NOTCH2: variants seen among roughly 807,000 people sequenced by gnomAD.
The protein encoded by NOTCH2 is notch receptor 2, also known as neurogenic locus notch homolog protein 2.
NOTCH2 carries 29 observed loss-of-function variants against 235.8 expected under a neutral mutation model. The ratio of observed to expected loss-of-function variants is 0.12; its 90% CI spans 0.09 to 0.17. NOTCH2 has a LOEUF of 0.17. NOTCH2 is among the 10% of genes least tolerant of loss of function. NOTCH2 has a pLI of 1.00. For missense variants in NOTCH2, 2,285 were observed against 3,150.2 expected, an observed-to-expected ratio of 0.73 and a Z score of 6.57; for synonymous variants, 1,086 against 1,141.5, an observed-to-expected ratio of 0.95 and a Z score of 0.98.
chr1:119,942,873 C>CT lies in NOTCH2; in HGVS notation c.2753-1120dup, dbSNP rs587671333. On this transcript the variant is annotated intron_variant, in intron 17 of 33. Coordinates refer to ENST00000256646, the MANE Select transcript of NOTCH2 (RefSeq NM_024408.4). ...TCATTAAAATTATTTGTCCATATGT[C>CT]TTTTTTTTTTTTTTTTTTTGGTGAA... 9.7e-3 allele frequency among the ~76,000 whole-genome samples: 1,246 copies of CT among 128,764 alleles called. 16 individuals are homozygous for CT. The highest frequency in any genetic ancestry group is 0.012 in the Middle Eastern group (3 of 248). 84.5% of individuals were successfully genotyped at this position (128,764 alleles called of 152,430 possible). A position where few individuals can be genotyped will look rare whatever the true frequency, so the allele number is the denominator to read the frequency against.
At chr1:119,953,832 GGTGT>G in intron 13 of NOTCH2, 144 bp from the exon 14 acceptor site, 9 of 772,664 alleles carry the variant, frequency 1.2e-5, no homozygotes, top group Non-Finnish European at 1.8e-5. Context: ...CCTTGCACAT[GGTGT>G]GTACCATGTG....
chr1:119,937,838 C>T lies in NOTCH2; in HGVS notation c.3337+19G>A. ...CAATACTGCAGTGAATGACCTGAGC[C>T]CAAGGGAGCAAAGCTTACCTCTCCT... On this transcript the variant is annotated intron_variant, in intron 20 of 33. Transcript: ENST00000256646. The T allele has an allele frequency of 1.9e-6, 3 of 1,614,076 alleles. No homozygotes were observed. The highest frequency in any genetic ancestry group is 2.5e-6 in the Non-Finnish European group (3 of 1,180,002).
Position 119,967,436 on chromosome 1 carries a change from G to C in NOTCH2, c.1450C>G (p.Pro484Ala), listed in dbSNP as rs1553199813. 6.2e-7 allele frequency: 1 copy of C among 1,613,904 alleles called. No individual in the cohort carries two copies. The highest frequency in any genetic ancestry group is 8.5e-7 in the Non-Finnish European group (1 of 1,179,830). ...KIGGFTCLCM[P>A]GFKGVHCELE... is the part of the protein sequence containing the mutation. ...ACATGCTGATGGGCCCATTTACCTGGCATGCACAGACATGTGAAGCCTCCA... is the reference window on the plus strand; with the variant it reads ...ACATGCTGATGGGCCCATTTACCTGCCATGCACAGACATGTGAAGCCTCCA... The change falls in exon 8 of 34, where the codon CCA (proline) becomes GCA (alanine). Residue 484 changes from proline (P) to alanine (A), a missense_variant. By Grantham distance (27) the Pro-to-Ala change is conservative. Around this residue, in one of 6 missense-constraint regions of NOTCH2, gnomAD observed 431 missense variants for 757.8 expected, o/e 0.57. Coordinates refer to ENST00000256646, the MANE Select transcript of NOTCH2 (RefSeq NM_024408.4).
At chr1:120,000,885 A>G (rs10923936) in intron 3 of NOTCH2, among the ~76,000 whole-genome samples, 100,033 of 151,432 alleles carry the variant, frequency 0.66, 39,489 homozygotes, top group Non-Finnish European at 0.87. Context: ...CTTTTGATGA[A>G]TGATATGGTT....
At chr1:119,955,708 C>G (rs1255380240) in intron 12 of NOTCH2, among the ~76,000 whole-genome samples, 4 of 152,138 alleles carry the variant, frequency 2.6e-5, no homozygotes, top group Admixed American at 6.5e-5. Flanking sequence ...GGGCTAGTAA[C>G]TTAATTCAAT....
At chr1:119,917,423 CACCAAGCTATCTATAGCCAGCCT>C (rs1271713130) in intron 33 of NOTCH2, among the ~76,000 whole-genome samples, 1 of 152,210 alleles carries the variant, frequency 6.6e-6, no homozygotes, top group Non-Finnish European at 1.5e-5. Context: ...GAAAGAGTTA[CACCAAGCTATCTATAGCCAGCCT>C]ACTGCAAGCT....
intron 11 of NOTCH2, among the ~76,000 whole-genome samples, chr1:119,962,365 A>G (rs1427323931): frequency 2.6e-5 from 4 of 152,138 alleles, no homozygotes; most frequent in Admixed American, 2.6e-4. Flanking sequence ...TCCTACTATA[A>G]TTTCTCATGT....
At chr1:119,974,671 A>C (rs1553200704) in intron 5 of NOTCH2, among the ~76,000 whole-genome samples, 2 of 152,184 alleles carry the variant, frequency 1.3e-5, no homozygotes, top group Non-Finnish European at 2.9e-5. Flanking sequence ...GCTGCTGCAT[A>C]AGCTGCTCTG....
chr1:119,981,507 G>C (rs1481551354), intron 5 of NOTCH2, among the ~76,000 whole-genome samples: 1 of 152,110 alleles, frequency 6.6e-6, no homozygotes, highest in East Asian at 1.9e-4. Context: ...CGTTCCATGG[G>C]GGCTTAGAGA....
chr1:119,936,121 G>A lies in NOTCH2; in HGVS notation c.3523-517C>T, dbSNP rs1424183806. On this transcript the variant is annotated intron_variant, in intron 21 of 33. Coordinates refer to ENST00000256646, the MANE Select transcript of NOTCH2 (RefSeq NM_024408.4). ...GCTGGCTGGCTGTGGTGGCTGTAGG[G>A]GTTGGAAGGATTTCAGGGCTGACCA... 2.0e-5 allele frequency among the ~76,000 whole-genome samples: 3 copies of A among 152,176 alleles called. No homozygotes were observed. The South Asian group carries it at 6.2e-4, about 32-fold the overall frequency.
chr1:120,065,190 G>A (rs1172067999), intron 1 of NOTCH2, among the ~76,000 whole-genome samples: 1 of 152,162 alleles, frequency 6.6e-6, no homozygotes, highest in Non-Finnish European at 1.5e-5. Flanking sequence ...GAAAAATTTG[G>A]TTTTTCCCCA....
At position 119,923,843 on chromosome 1, in the gene NOTCH2, T is replaced by C. The variant is rs779771516; in HGVS notation, c.4653A>G (p.Val1551=). 1 of 1,614,056 alleles carries C rather than the reference T, an allele frequency of 6.2e-7. No individual in the cohort carries two copies. Among genetic ancestry groups the C allele is most frequent in the African/African-American group, 1.3e-5 (1 of 74,906 alleles). ...NLAEGTLVIV[V]LMPPEQLLQD... ...GGAGCAGTTGTTCAGGTGGCATCAA[T>C]ACCACAATAACCAGGGTACCTTCTG... Residue 1551 remains valine (V), a synonymous_variant, in exon 26 of 34, where the codon GTA becomes GTG. Transcript: ENST00000256646.
chr1:120,069,254 A>C (rs1553217843), intron 1 of NOTCH2, 80 bp downstream of exon 1: 2 of 1,526,846 alleles, frequency 1.3e-6, no homozygotes, highest in East Asian at 4.9e-5. Flanking sequence ...TCCCACACAG[A>C]GAAGGACCGA....
Position 119,923,872 on chromosome 1 carries a change from G to C in NOTCH2, c.4624C>G (p.Leu1542Val), listed in dbSNP as rs1363405327. Residue 1542 changes from leucine (L) to valine (V), a missense_variant, in exon 26 of 34, where the codon CTG (leucine) becomes GTG (valine). By Grantham distance (32) the Leu-to-Val change is conservative (BLOSUM62 1). Around this residue, in one of 6 missense-constraint regions of NOTCH2, gnomAD observed 1,173 missense variants for 1,515.3 expected, o/e 0.77. Coordinates refer to ENST00000256646, the MANE Select transcript of NOTCH2 (RefSeq NM_024408.4). ...LDCAADQPEN[L>V]AEGTLVIVVL... ...ACAATAACCAGGGTACCTTCTGCCA[G>C]GTTCTCAGGTTGGTCAGCAGCACAG... 6 of 1,614,166 alleles carry C rather than the reference G, an allele frequency of 3.7e-6. No homozygotes were observed. The South Asian group carries it at 4.4e-5, about 12-fold the overall frequency.
chr1:120,045,819 T>C (rs1180033756), intron 1 of NOTCH2, among the ~76,000 whole-genome samples: 1 of 152,282 alleles, frequency 6.6e-6, no homozygotes, highest in Non-Finnish European at 1.5e-5. Flanking sequence ...ATCTTAGACA[T>C]TAAACTCTTC....
chr1:119,931,321 C>T (rs1649651795), intron 22 of NOTCH2, among the ~76,000 whole-genome samples: 1 of 151,800 alleles, frequency 6.6e-6, no homozygotes, highest in Non-Finnish European at 1.5e-5. Context: ...TAATACTGTC[C>T]TAACAGACAC....
intron 18 of NOTCH2, among the ~76,000 whole-genome samples, 166 bp downstream of exon 18, chr1:119,941,360 T>C (rs1193874234): frequency 2.0e-5 from 3 of 152,314 alleles, no homozygotes; most frequent in African/African-American, 7.2e-5. Context: ...TTCTATTATA[T>C]ATGTTTATCA....
At chr1:119,967,706 A>C in intron 7 of NOTCH2, 85 bp from the exon 8 acceptor site, 1 of 1,170,846 alleles carries the variant, frequency 8.5e-7, no homozygotes. Flanking sequence ...TGATGGTTAT[A>C]GCATCAGGGC....
chr1:119,967,831 A>G (rs1186417931), intron 7 of NOTCH2, among the ~76,000 whole-genome samples: 1 of 152,212 alleles, frequency 6.6e-6, no homozygotes. Flanking sequence ...GTTTCTGCCC[A>G]AACTGTCATT....
Sources: allele counts gnomAD v4.1 joint callset (sites outside exome capture counted in the v4.1 genomes callset), GRCh38; gene constraint gnomAD v4.1.1; regional missense constraint gnomAD v4.1.1; transcripts MANE v1.5; gene names NCBI Gene and HGNC (gene_info 2026-07-23, HGNC 2026-07-21).